Variants in CSMD3 observed in about 807,000 individuals in gnomAD.
CSMD3 encodes the protein CUB and sushi domain-containing protein 3.
CSMD3 carries 177 observed loss-of-function variants against 435.2 expected under a neutral mutation model. The observed-to-expected ratio is 0.41, with a 90% confidence interval of 0.36 to 0.46. The LOEUF (loss-of-function observed/expected upper bound fraction) is 0.46, where lower values mean the gene tolerates loss of function less well. Ranked by LOEUF, CSMD3 falls within the 20% of genes least tolerant of loss-of-function variation. CSMD3 has a pLI of 0.34. For synonymous variants in CSMD3, 1,656 were observed against 1,520.5 expected (o/e 1.09, Z -2.07); for missense variants, 4,265 against 4,504.6 (o/e 0.95, Z 1.52).
chr8:112,393,453 A>G (rs1830608288), intron 35 of CSMD3, among the ~76,000 whole-genome samples: 1 of 152,130 alleles, frequency 6.6e-6, no homozygotes, highest in Non-Finnish European at 1.5e-5. Flanking sequence ...CATAGCACCA[A>G]ATGTTTTCCT....
At chr8:112,921,064 G>GAT (rs200865871) in intron 10 of CSMD3, among the ~76,000 whole-genome samples, 4,796 of 144,678 alleles carry the variant, frequency 0.033, 141 homozygotes, top group Middle Eastern at 0.054. Context: ...TTCCAGATAA[G>GAT]ATATATATAC....
At position 112,394,593 on chromosome 8, in the gene CSMD3, C is replaced by T. The variant is rs1830713691; in HGVS notation, c.5810-3805G>A. Among the ~76,000 whole-genome samples the T allele has an allele frequency of 2.0e-5, 3 of 152,242 alleles. No individual in the cohort carries two copies. The South Asian group carries it at 6.2e-4, about 32-fold the overall frequency. ...GTGGCTTGAACACGTCAAGATCTCTCTCCCTCAACAGTCCATACACTTGCT... is the reference window on the plus strand; with the variant it reads ...GTGGCTTGAACACGTCAAGATCTCTTTCCCTCAACAGTCCATACACTTGCT... On this transcript the variant is annotated intron_variant, in intron 35 of 70. Transcript: ENST00000297405.
chr8:113,404,572 A>G (rs1050542918), intron 1 of CSMD3, among the ~76,000 whole-genome samples: 2 of 151,428 alleles, frequency 1.3e-5, no homozygotes, highest in African/African-American at 4.8e-5. Context: ...GTATTATAAT[A>G]TAATTTTAAA....
chr8:112,386,739 C>T (rs1005759010), intron 36 of CSMD3, among the ~76,000 whole-genome samples: 1 of 151,280 alleles, frequency 6.6e-6, no homozygotes, highest in Admixed American at 6.6e-5. Flanking sequence ...CCTCGTGATC[C>T]GCCCGCCTCG....
At chr8:112,361,253 G>C (rs1010243033) in intron 38 of CSMD3, among the ~76,000 whole-genome samples, 88 of 151,572 alleles carry the variant, frequency 5.8e-4, no homozygotes, top group Middle Eastern at 3.4e-3. Flanking sequence ...TAATGGGATT[G>C]GATCAATTAA....
At chr8:113,155,329 T>A (rs2091909145) in intron 4 of CSMD3, among the ~76,000 whole-genome samples, 1 of 152,042 alleles carries the variant, frequency 6.6e-6, no homozygotes, top group Non-Finnish European at 1.5e-5. Context: ...AAGAGTCCAA[T>A]GGACTAGCTT....
chr8:112,403,203 C>T (rs1227896585), intron 35 of CSMD3, among the ~76,000 whole-genome samples: 1 of 152,116 alleles, frequency 6.6e-6, no homozygotes, highest in African/African-American at 2.4e-5. Context: ...TAAAGAGAAG[C>T]AGTAATCTAT....
At chr8:113,010,932 C>A (rs528365130) in intron 6 of CSMD3, among the ~76,000 whole-genome samples, 8 of 151,408 alleles carry the variant, frequency 5.3e-5, no homozygotes, top group Non-Finnish European at 1.2e-4. Flanking sequence ...AATCCTGTGA[C>A]GATTTATTAA....
At chr8:112,894,840 A>G (rs2081903715) in intron 10 of CSMD3, among the ~76,000 whole-genome samples, 1 of 151,350 alleles carries the variant, frequency 6.6e-6, no homozygotes, top group African/African-American at 2.4e-5. Context: ...TAAAAGACAT[A>G]AAGAGAATTG....
intron 15 of CSMD3, among the ~76,000 whole-genome samples, chr8:112,684,843 A>G (rs1452733864): frequency 6.6e-6 from 1 of 152,170 alleles, no homozygotes; most frequent in Non-Finnish European, 1.5e-5. Context: ...TATTCTTTAT[A>G]GCAATCCATT....
At chr8:113,330,878 A>G (rs1393074077) in intron 1 of CSMD3, among the ~76,000 whole-genome samples, 1 of 151,912 alleles carries the variant, frequency 6.6e-6, no homozygotes, top group Non-Finnish European at 1.5e-5. Context: ...ACAACAAAGC[A>G]GCATATCAGC....
Position 112,829,754 on chromosome 8 carries a change from C to T in CSMD3, c.1791G>A (p.Glu597=). 6.2e-7 allele frequency: 1 copy of T among 1,612,842 alleles called. No homozygotes were observed. Among genetic ancestry groups the T allele is most frequent in the African/African-American group, 1.3e-5 (1 of 74,986 alleles). The change falls in exon 12 of 71, where the codon GAG becomes GAA. Residue 597 remains glutamate (E), a synonymous_variant. Coordinates refer to ENST00000297405, the MANE Select transcript of CSMD3 (RefSeq NM_198123.2). Reference sequence around the variant, plus strand: ...CAATTGTCAAGGTATCATAGCCAATCTCCAGATCAAATTCTTCAAAATTTA... The same window carrying T: ...CAATTGTCAAGGTATCATAGCCAATTTCCAGATCAAATTCTTCAAAATTTA... ...IQINFEEFDL[E]IGYDTLTIGD... is the part of the protein sequence containing the mutation.
At chr8:112,585,903 T>C (rs1336627987) in intron 23 of CSMD3, among the ~76,000 whole-genome samples, 1 of 151,596 alleles carries the variant, frequency 6.6e-6, no homozygotes, top group African/African-American at 2.4e-5. Flanking sequence ...TGAAAAAACA[T>C]AACTTACTTT....
chr8:112,849,688 C>T (rs1051435385), intron 11 of CSMD3, among the ~76,000 whole-genome samples: 1 of 151,640 alleles, frequency 6.6e-6, no homozygotes, highest in African/African-American at 2.4e-5. Flanking sequence ...TATACTAGAT[C>T]AGGAGATAAA....
Position 112,503,208 on chromosome 8 carries a change from A to T in CSMD3, c.5083+582T>A, listed in dbSNP as rs542365636. 2.1e-3 allele frequency among the ~76,000 whole-genome samples: 321 copies of T among 152,232 alleles called. 1 individual carries two copies. The highest frequency in any genetic ancestry group is 7.0e-3 in the African/African-American group (289 of 41,536). ...GTGATCCTCCTGCCTCAGCTTCTTG[A>T]GTAGCTGGGACTACAGACGTATGAC... On this transcript the variant is annotated intron_variant, in intron 30 of 70. Transcript: ENST00000297405.
At chr8:113,017,205 T>C (rs1413267120) in intron 6 of CSMD3, among the ~76,000 whole-genome samples, 1 of 151,956 alleles carries the variant, frequency 6.6e-6, no homozygotes, top group African/African-American at 2.4e-5. Flanking sequence ...GATGCTACTT[T>C]TCAGTGCCGA....
chr8:112,590,838 C>G (rs4489347), intron 22 of CSMD3, among the ~76,000 whole-genome samples: 86,785 of 151,680 alleles, frequency 0.57, 25,327 homozygotes, highest in African/African-American at 0.67. Flanking sequence ...AGCCCAGGAT[C>G]TTGTTTCTCT....
chr8:113,057,929 A>G (rs1340514080), intron 5 of CSMD3, among the ~76,000 whole-genome samples: 1 of 151,822 alleles, frequency 6.6e-6, no homozygotes, highest in African/African-American at 2.4e-5. Context: ...CGTGTCCTAA[A>G]TAAAAGACTA....
At chr8:112,833,071 A>G (rs1249143811) in intron 11 of CSMD3, among the ~76,000 whole-genome samples, 1 of 152,136 alleles carries the variant, frequency 6.6e-6, no homozygotes, top group Admixed American at 6.6e-5. Context: ...TTGCTATAAG[A>G]TAAGACTGTA....
Sources: gnomAD v4.1 joint callset for allele counts (sites outside exome capture counted in the v4.1 genomes callset) on GRCh38, gnomAD v4.1.1 for gene constraint, MANE v1.5 for transcripts, NCBI Gene and HGNC (gene_info 2026-07-23, HGNC 2026-07-21) for gene names.